PPFIA4: variants seen among roughly 807,000 people sequenced by gnomAD.
The protein encoded by PPFIA4 is PPFI scaffold protein A4, also known as liprin-alpha-4.
Under a neutral mutation model 145.7 loss-of-function variants are expected in PPFIA4, and 98 were observed. The observed-to-expected ratio is 0.67, with a 90% confidence interval of 0.57 to 0.80. The LOEUF (loss-of-function observed/expected upper bound fraction) is 0.80. PPFIA4 is among the 30% of genes least tolerant of loss of function. PPFIA4 has a pLI of 0.00. For synonymous variants in PPFIA4, 628 were observed against 649.6 expected (o/e 0.97, Z 0.51); for missense variants, 1,457 against 1,632.7 (o/e 0.89, Z 1.85).
intron 12 of PPFIA4, among the ~76,000 whole-genome samples, chr1:203,049,270 G>C (rs547840105): frequency 7.2e-5 from 11 of 152,310 alleles, no homozygotes; most frequent in African/African-American, 2.6e-4. Context: ...TTCAAACCCT[G>C]GTGCAGCCAG....
intron 28 of PPFIA4, among the ~76,000 whole-genome samples, chr1:203,073,470 A>G (rs1662308582): frequency 6.6e-6 from 1 of 152,166 alleles, no homozygotes; most frequent in African/African-American, 2.4e-5. Flanking sequence ...GGAAGCGTAG[A>G]GTAGAAGCCA....
chr1:203,064,553 C>T (rs1034932165), intron 25 of PPFIA4, among the ~76,000 whole-genome samples: 12 of 152,198 alleles, frequency 7.9e-5, no homozygotes, highest in African/African-American at 1.9e-4. Context: ...GTGTCTGCGG[C>T]GCAGGTCCCA....
intron 19 of PPFIA4, among the ~76,000 whole-genome samples, chr1:203,057,447 C>T (rs1010571690): frequency 6.6e-6 from 1 of 152,206 alleles, no homozygotes; most frequent in African/African-American, 2.4e-5. Context: ...AGCGTGGCAT[C>T]GTTATCACCT....
chr1:203,057,283 C>T (rs187684313), intron 19 of PPFIA4, among the ~76,000 whole-genome samples: 24 of 152,296 alleles, frequency 1.6e-4, no homozygotes, highest in Non-Finnish European at 1.3e-4. Flanking sequence ...GTACTGTGCT[C>T]GGGACCTTCA....
chr1:203,066,810 C>A (rs1055571570), intron 25 of PPFIA4, among the ~76,000 whole-genome samples: 1 of 152,192 alleles, frequency 6.6e-6, no homozygotes, highest in Non-Finnish European at 1.5e-5. Flanking sequence ...TTTGTAGAGT[C>A]CCTGCTCTGT....
At chr1:203,063,604 G>A in intron 24 of PPFIA4, 1 of 510,284 alleles carries the variant, frequency 2.0e-6, no homozygotes, top group Non-Finnish European at 3.5e-6. Context: ...TGATATGTGA[G>A]TGGAACCGTA....
intron 27 of PPFIA4, among the ~76,000 whole-genome samples, chr1:203,071,029 G>C (rs1662118775): frequency 1.3e-5 from 2 of 150,750 alleles, no homozygotes; most frequent in African/African-American, 4.9e-5. Context: ...ATAGCTCACT[G>C]TAGCCTCAGA....
intron 13 of PPFIA4, among the ~76,000 whole-genome samples, chr1:203,050,836 A>G (rs1273128400): frequency 5.3e-5 from 8 of 152,104 alleles, no homozygotes; most frequent in African/African-American, 1.9e-4. Flanking sequence ...CTCAATTAGT[A>G]AAATACGGCC....
In PPFIA4 at chr1:203,060,855, C is replaced by T; in HGVS notation, c.2785-115C>T. ...GGCCATCTCCATGATTGAGACCAGC[C>T]CCCATTTCAGAGGACTCAGGGAGGG... is the stretch of plus-strand genomic sequence containing the variant. On this transcript the variant is annotated intron_variant, in intron 22 of 29. Coordinates refer to ENST00000295706, the MANE Select transcript of PPFIA4 (RefSeq NM_001304331.2). The surrounding 1 kb of genome is among the most constrained non-coding windows in gnomAD (Gnocchi z 4.8). 4.5e-6 allele frequency: 4 copies of T among 891,150 alleles called. No individual in the cohort carries two copies. Among genetic ancestry groups the T allele is most frequent in the Non-Finnish European group, 7.4e-6 (4 of 544,018 alleles). 55.2% of individuals were successfully genotyped at this position (891,150 alleles called of 1,614,324 possible).
intron 25 of PPFIA4, among the ~76,000 whole-genome samples, chr1:203,064,926 A>T (rs6660340): frequency 0.037 from 5,710 of 152,268 alleles, 368 homozygotes; most frequent in African/African-American, 0.13. Context: ...CCTTCTTAAC[A>T]TCCAGCTTCA....
intron 28 of PPFIA4, among the ~76,000 whole-genome samples, chr1:203,072,576 C>T (rs1214294039): frequency 6.6e-6 from 1 of 152,222 alleles, no homozygotes; most frequent in Non-Finnish European, 1.5e-5. Flanking sequence ...TTTCCTATCA[C>T]TGCCCTTGCC....
At position 203,055,471 on chromosome 1, in the gene PPFIA4, G is replaced by A. The variant is rs750442558; in HGVS notation, c.1869G>A (p.Ala623=). Residue 623 remains alanine, a synonymous_variant, in exon 16 of 30, where the codon GCG becomes GCA. Coordinates refer to ENST00000295706, the MANE Select transcript of PPFIA4 (RefSeq NM_001304331.2). This position sits in a 1 kb window ranked among gnomAD's most constrained non-coding sequence, Gnocchi z 4.8. ...AGAAGGAGTCCACGGAGCTCCGCGC[G>A]GAGGAGATTGAGACGCGTGTAACCA... is the stretch of plus-strand genomic sequence containing the variant. ...QEEKESTELR[A]EEIETRVTSG... 8.7e-6 allele frequency: 14 copies of A among 1,613,984 alleles called. No homozygotes were observed. The highest frequency in any genetic ancestry group is 5.5e-5 in the South Asian group (5 of 91,064).
At chr1:203,029,691 G>A (rs782791) in intron 1 of PPFIA4, among the ~76,000 whole-genome samples, 99,482 of 152,120 alleles carry the variant, frequency 0.65, 32,729 homozygotes, top group South Asian at 0.69. Context: ...CTGGAGCAGC[G>A]AAGCCTCTGG....
chr1:203,078,483 A>C lies in PPFIA4; in HGVS notation c.*2093A>C, dbSNP rs1354183821. The C allele has an allele frequency of 6.6e-6, 1 of 152,614 alleles. No individual in the cohort carries two copies. Among genetic ancestry groups the C allele is most frequent in the Non-Finnish European group, 1.5e-5 (1 of 68,046 alleles). 9.5% of individuals were successfully genotyped at this position (152,614 alleles called of 1,614,324 possible). ...TTGAGAAGTGTTGCAGGGAGGTGTT[A>C]AGAAGAGAACTCTGTGCAAACAGTG... On this transcript the variant is annotated 3_prime_UTR_variant, in exon 30 of 30. Coordinates refer to ENST00000295706, the MANE Select transcript of PPFIA4 (RefSeq NM_001304331.2).
chr1:203,036,049 T>G (rs1165669924), intron 1 of PPFIA4, among the ~76,000 whole-genome samples: 2 of 152,202 alleles, frequency 1.3e-5, no homozygotes, highest in Non-Finnish European at 2.9e-5. Context: ...TTGGACCAGA[T>G]AGCCAGTACC....
intron 23 of PPFIA4, among the ~76,000 whole-genome samples, 164 bp downstream of exon 23, chr1:203,061,196 A>T (rs1046186126): frequency 2.0e-5 from 3 of 151,902 alleles, no homozygotes; most frequent in African/African-American, 7.3e-5. Context: ...GGTTGTCGGG[A>T]GAGGGGTGAG....
At chr1:203,027,212 G>A (rs751749731) in intron 1 of PPFIA4, among the ~76,000 whole-genome samples, 9 of 152,006 alleles carry the variant, frequency 5.9e-5, no homozygotes, top group Non-Finnish European at 8.8e-5. Context: ...CCGAGGCCTG[G>A]TGGGGGTGGG....
At position 203,074,070 on chromosome 1, in the gene PPFIA4, C is replaced by T. The variant is rs534449589; in HGVS notation, c.3394-1507C>T. 5.3e-5 allele frequency among the ~76,000 whole-genome samples: 8 copies of T among 151,662 alleles called. No individual in the cohort carries two copies. The South Asian group carries it at 6.3e-4, about 12-fold the overall frequency. On this transcript the variant is annotated intron_variant, in intron 28 of 29. Transcript: ENST00000295706. Reference sequence around the variant, plus strand: ...GGAGCATAGAATTTGAGAGAAAGAGCGAGAAAGAAAGTGAAAGGCATGGAG... The same window carrying T: ...GGAGCATAGAATTTGAGAGAAAGAGTGAGAAAGAAAGTGAAAGGCATGGAG...
intron 25 of PPFIA4, 172 bp from the exon 26 acceptor site, chr1:203,067,523 C>G: frequency 1.6e-6 from 1 of 613,394 alleles, no homozygotes; most frequent in Non-Finnish European, 2.9e-6. Context: ...GGAGTAACCT[C>G]GGGATGGGTC....
Sources: gnomAD v4.1 joint callset for allele counts (sites outside exome capture counted in the v4.1 genomes callset) on GRCh38, gnomAD v4.1.1 for gene constraint, Gnocchi (gnomAD v3.1) non-coding constraint, MANE v1.5 for transcripts, NCBI Gene and HGNC (gene_info 2026-07-23, HGNC 2026-07-21) for gene names.